COMMD10: variants seen among roughly 807,000 people sequenced by gnomAD.
COMMD10 encodes the protein COMM domain-containing protein 10.
COMMD10 carries 33 observed loss-of-function variants against 28.9 expected under a neutral mutation model. The ratio of observed to expected loss-of-function variants is 1.14; its 90% confidence interval spans 0.87 to 1.53. The LOEUF (loss-of-function observed/expected upper bound fraction) is 1.53, where lower values mean the gene tolerates loss of function less well. Ranked by LOEUF, COMMD10 falls within the 40% of genes most tolerant of loss-of-function variation. The pLI is 0.00. For missense variants in COMMD10, 310 were observed against 233.4 expected (o/e 1.33, Z -2.14); for synonymous variants, 110 against 81.7 (o/e 1.35, Z -1.87).
intron 5 of COMMD10, among the ~76,000 whole-genome samples, chr5:116,289,820 C>G (rs531151643): frequency 6.6e-6 from 1 of 151,914 alleles, no homozygotes; most frequent in Non-Finnish European, 1.5e-5. Context: ...AGCATCTCAA[C>G]TGGTCTCTCA....
At chr5:116,123,907 G>A (rs1451827749) in intron 4 of COMMD10, among the ~76,000 whole-genome samples, 4 of 138,618 alleles carry the variant, frequency 2.9e-5, no homozygotes, top group Non-Finnish European at 4.8e-5. Context: ...TGTGGGATTG[G>A]TGGTGATATC....
chr5:116,286,548 G>A (rs254172), intron 5 of COMMD10, among the ~76,000 whole-genome samples: 71,085 of 150,986 alleles, frequency 0.47, 18,801 homozygotes, highest in African/African-American at 0.72. Context: ...CAAAATTTTG[G>A]CATGTTGTGT....
intron 6 of COMMD10, among the ~76,000 whole-genome samples, chr5:116,291,926 T>C (rs1751374959): frequency 1.3e-5 from 2 of 152,114 alleles, no homozygotes; most frequent in African/African-American, 2.4e-5. Context: ...AACATGCCTT[T>C]AGAGATTTAT....
chr5:116,122,279 A>G lies in COMMD10; in HGVS notation c.400-11789A>G, dbSNP rs569443466. 1.6e-3 allele frequency among the ~76,000 whole-genome samples: 248 copies of G among 152,306 alleles called. 3 individuals carry two copies. Among genetic ancestry groups the G allele is most frequent in the South Asian group, 4.4e-3 (21 of 4,822 alleles). Reference sequence around the variant, plus strand: ...CTTGTTTTTGTCAGGTTTGTCAAAGATCAGATGGTTGTAGATGTGTGGTGT... The same window carrying G: ...CTTGTTTTTGTCAGGTTTGTCAAAGGTCAGATGGTTGTAGATGTGTGGTGT... On this transcript the variant is annotated intron_variant, in intron 4 of 6. Coordinates refer to ENST00000274458, the MANE Select transcript of COMMD10 (RefSeq NM_016144.4).
At chr5:116,182,946 C>T (rs1387158576) in intron 5 of COMMD10, among the ~76,000 whole-genome samples, 1 of 152,102 alleles carries the variant, frequency 6.6e-6, no homozygotes, top group African/African-American at 2.4e-5. Context: ...TGCTTGCACT[C>T]ACTCCATCCT....
At chr5:116,210,737 AC>A (rs1472810269) in intron 5 of COMMD10, among the ~76,000 whole-genome samples, 1 of 152,074 alleles carries the variant, frequency 6.6e-6, no homozygotes, top group Non-Finnish European at 1.5e-5. Context: ...TTATTTCAAA[AC>A]CAGGTTTTAC....
rs977515394 is a variant in COMMD10, at chr5:116,292,844, G to A, written c.*355G>A. The A allele has an allele frequency of 5.1e-6, 2 of 394,914 alleles. No homozygotes were observed. Among genetic ancestry groups the A allele is most frequent in the Non-Finnish European group, 8.9e-6 (2 of 224,212 alleles). The allele number at this position is 394,914 out of a possible 1,614,324, so 24.5% of individuals were successfully genotyped here. ...CATAATGTATCAAGGAGCGTCCATG[G>A]ATACAAGATAAGATGTGTACCTTAG... On this transcript the variant is annotated 3_prime_UTR_variant, in exon 7 of 7. Transcript: ENST00000274458.
intron 5 of COMMD10, among the ~76,000 whole-genome samples, chr5:116,257,157 C>CT (rs1750311132): frequency 6.6e-6 from 1 of 151,580 alleles, no homozygotes; most frequent in East Asian, 1.9e-4. Context: ...TCTGAATAAA[C>CT]TATGTCCTGT....
At chr5:116,198,128 T>C (rs1561662973) in intron 5 of COMMD10, among the ~76,000 whole-genome samples, 1 of 152,170 alleles carries the variant, frequency 6.6e-6, no homozygotes, top group Non-Finnish European at 1.5e-5. Context: ...GGAATGTACA[T>C]TGTACTCTTA....
intron 4 of COMMD10, among the ~76,000 whole-genome samples, chr5:116,131,112 T>C (rs1011482547): frequency 2.0e-5 from 3 of 151,892 alleles, no homozygotes; most frequent in Non-Finnish European, 4.4e-5. Flanking sequence ...TGCCACTAAC[T>C]CAATATTTGA....
At chr5:116,198,134 T>TTGTA (rs1479536545) in intron 5 of COMMD10, among the ~76,000 whole-genome samples, 1 of 152,210 alleles carries the variant, frequency 6.6e-6, no homozygotes, top group African/African-American at 2.4e-5. Flanking sequence ...TACATTGTAC[T>TTGTA]CTTAAGCAGA....
At chr5:116,188,235 C>A (rs1342231449) in intron 5 of COMMD10, among the ~76,000 whole-genome samples, 2 of 152,058 alleles carry the variant, frequency 1.3e-5, no homozygotes, top group African/African-American at 4.8e-5. Context: ...TTGATTACCT[C>A]TTAGGTTTAT....
At chr5:116,087,725 A>C in intron 2 of COMMD10, 138 bp downstream of exon 2, 1 of 625,340 alleles carries the variant, frequency 1.6e-6, no homozygotes, top group Non-Finnish European at 2.9e-6. Flanking sequence ...AAGATTTGGT[A>C]ATGTTTCATG....
chr5:116,264,930 C>G (rs982654171), intron 5 of COMMD10, among the ~76,000 whole-genome samples: 15 of 151,768 alleles, frequency 9.9e-5, no homozygotes, highest in Non-Finnish European at 1.5e-4. Flanking sequence ...CAGATACTGC[C>G]TATATTCAGA....
intron 5 of COMMD10, among the ~76,000 whole-genome samples, chr5:116,206,451 G>T (rs1259256742): frequency 6.6e-6 from 1 of 152,160 alleles, no homozygotes; most frequent in Non-Finnish European, 1.5e-5. Flanking sequence ...AGGAGTTCAA[G>T]ACCAGCCTGG....
chr5:116,237,935 A>G (rs1044120404), intron 5 of COMMD10, among the ~76,000 whole-genome samples: 3 of 152,204 alleles, frequency 2.0e-5, no homozygotes, highest in Non-Finnish European at 4.4e-5. Context: ...CGTCGTTTCA[A>G]AGCAATTTTC....
intron 5 of COMMD10, among the ~76,000 whole-genome samples, chr5:116,288,872 CTTTTTTTTTTTT>C (rs1157658912): frequency 7.7e-5 from 8 of 104,358 alleles, no homozygotes; most frequent in Non-Finnish European, 1.3e-4. Flanking sequence ...TGTTCTCTCT[CTTTTTTTTTTTT>C]TTTTTTTTTT....
At chr5:116,254,167 G>T (rs1004488969) in intron 5 of COMMD10, among the ~76,000 whole-genome samples, 1 of 151,616 alleles carries the variant, frequency 6.6e-6, no homozygotes, top group African/African-American at 2.4e-5. Context: ...TTTTTATTGC[G>T]TCTATTTGAT....
At chr5:116,091,864 A>C (rs1750307930) in intron 3 of COMMD10, among the ~76,000 whole-genome samples, 1 of 152,240 alleles carries the variant, frequency 6.6e-6, no homozygotes, top group South Asian at 2.1e-4. Context: ...TTGTGAAATA[A>C]AAGTTTAAAT....
Sources: gnomAD v4.1 joint callset for allele counts (sites outside exome capture counted in the v4.1 genomes callset) on GRCh38, gnomAD v4.1.1 for gene constraint, MANE v1.5 for transcripts, NCBI Gene and HGNC (gene_info 2026-07-23, HGNC 2026-07-21) for gene names.